GLIS3: variants seen among roughly 807,000 people sequenced by gnomAD.
GLIS3 encodes zinc finger protein GLIS3.
Under a neutral mutation model 78.6 loss-of-function variants are expected in GLIS3, and 53 were observed. The observed-to-expected ratio is 0.67, with a 90% CI of 0.54 to 0.85. GLIS3 has a LOEUF of 0.85. Ranked by LOEUF, GLIS3 falls within the 40% of genes least tolerant of loss-of-function variation. GLIS3 has a pLI of 0.00. For synonymous variants in GLIS3, 684 were observed against 509.9 expected (o/e 1.34, Z -4.60); for missense variants, 1,703 against 1,231.1 (o/e 1.38, Z -5.74).
the GLIS3 span, among the ~76,000 whole-genome samples, chr9:4,365,236 G>A: frequency 1.3e-5 from 2 of 152,162 alleles, no homozygotes; most frequent in Non-Finnish European, 2.9e-5. Flanking sequence ...CATGCATGGC[G>A]TAAGATATGA....
chr9:3,991,932 C>T (rs867661075), intron 4 of GLIS3, among the ~76,000 whole-genome samples: 11 of 151,998 alleles, frequency 7.2e-5, no homozygotes, highest in South Asian at 2.1e-4. Flanking sequence ...CTTCGTGATC[C>T]GCCCGCCTCG....
chr9:3,842,411 G>A (rs796458038), intron 9 of GLIS3, among the ~76,000 whole-genome samples: 3 of 152,322 alleles, frequency 2.0e-5, no homozygotes, highest in African/African-American at 7.2e-5. Context: ...GGTGGAGGTT[G>A]CAGTGAGCCT....
chr9:4,205,185 A>G (rs1483570519), intron 2 of GLIS3, among the ~76,000 whole-genome samples: 2 of 151,576 alleles, frequency 1.3e-5, no homozygotes, highest in African/African-American at 4.8e-5. Context: ...CAAAAAAAAA[A>G]AAAAAAAAGG....
At chr9:4,298,724 G>A (rs1232661111) in intron 1 of GLIS3, among the ~76,000 whole-genome samples, 1 of 152,128 alleles carries the variant, frequency 6.6e-6, no homozygotes, top group African/African-American at 2.4e-5. Flanking sequence ...GGGAGGGTTC[G>A]TGTCTGGCTG....
chr9:4,315,150 TCA>T (rs1340670923), intron 2 of GLIS3, among the ~76,000 whole-genome samples: 1 of 152,234 alleles, frequency 6.6e-6, no homozygotes, highest in Non-Finnish European at 1.5e-5. Context: ...ATTTTGGATC[TCA>T]GTTAATTTGG....
chr9:4,300,956 G>A (rs755017542), upstream of GLIS3, among the ~76,000 whole-genome samples: 28 of 151,998 alleles, frequency 1.8e-4, no homozygotes, highest in Non-Finnish European at 3.1e-4. Context: ...AATTTCACAA[G>A]TCCTTATATT....
At chr9:4,140,145 G>A (rs951606857) in intron 2 of GLIS3, among the ~76,000 whole-genome samples, 2 of 152,126 alleles carry the variant, frequency 1.3e-5, no homozygotes, top group African/African-American at 2.4e-5. Flanking sequence ...ACAACATGGC[G>A]AAACGCTGTC....
the GLIS3 span, among the ~76,000 whole-genome samples, chr9:4,485,122 C>T: frequency 6.6e-6 from 1 of 151,732 alleles, no homozygotes; most frequent in Non-Finnish European, 1.5e-5. Context: ...TCAAGCGATT[C>T]TCCTGCCTCA....
the GLIS3 span, among the ~76,000 whole-genome samples, chr9:4,418,879 G>C: frequency 1.3e-5 from 2 of 152,138 alleles, no homozygotes; most frequent in Non-Finnish European, 2.9e-5. Context: ...GCCAGGACAG[G>C]GGATGGGAAC....
At chr9:4,308,175 C>G (rs993268288) in intron 4 of GLIS3, among the ~76,000 whole-genome samples, 1 of 152,122 alleles carries the variant, frequency 6.6e-6, no homozygotes, top group African/African-American at 2.4e-5. Context: ...ATCTGAAAGC[C>G]TTAACCCTGC....
chr9:4,239,767 A>T (rs1388506075), intron 2 of GLIS3, among the ~76,000 whole-genome samples: 1 of 152,204 alleles, frequency 6.6e-6, no homozygotes, highest in East Asian at 1.9e-4. Flanking sequence ...GCTGATTACA[A>T]AGTATTTTGA....
intron 7 of GLIS3, among the ~76,000 whole-genome samples, chr9:3,889,712 G>C (rs879525319): frequency 4.6e-5 from 7 of 152,156 alleles, no homozygotes; most frequent in Non-Finnish European, 8.8e-5. Context: ...AATATTTTAG[G>C]CTTTGCAGGC....
intron 7 of GLIS3, among the ~76,000 whole-genome samples, chr9:3,892,257 A>AG (rs202205637): frequency 6.6e-6 from 1 of 152,166 alleles, no homozygotes; most frequent in Non-Finnish European, 1.5e-5. Context: ...GCAAAAAAAA[A>AG]GCAGCCTGGA....
chr9:4,290,021 T>A (rs536601295), intron 1 of GLIS3, among the ~76,000 whole-genome samples: 1 of 152,244 alleles, frequency 6.6e-6, no homozygotes, highest in South Asian at 2.1e-4. Context: ...GCACTGCTCA[T>A]CATGGATTAA....
intron 2 of GLIS3, among the ~76,000 whole-genome samples, chr9:4,337,414 T>A (rs6476848): frequency 1.4e-4 from 21 of 152,160 alleles, no homozygotes; most frequent in East Asian, 9.6e-4. Context: ...ATAGGAAATG[T>A]TCATTTGAAA....
At chr9:3,859,519 C>T (rs760317894) in intron 8 of GLIS3, among the ~76,000 whole-genome samples, 2 of 152,000 alleles carry the variant, frequency 1.3e-5, no homozygotes, top group African/African-American at 4.8e-5. Context: ...ATTGTAATGC[C>T]GAGGATAAAT....
At chr9:4,140,579 C>A (rs1031342888) in intron 2 of GLIS3, among the ~76,000 whole-genome samples, 1 of 152,088 alleles carries the variant, frequency 6.6e-6, no homozygotes, top group Non-Finnish European at 1.5e-5. Context: ...ATGGAAAGTA[C>A]CCAGCTTCCT....
intron 7 of GLIS3, among the ~76,000 whole-genome samples, chr9:3,897,033 A>G (rs1414423565): frequency 1.3e-5 from 2 of 152,246 alleles, no homozygotes; most frequent in Non-Finnish European, 2.9e-5. Context: ...AAACACTACC[A>G]GACATATAAA....
At chr9:4,392,490 C>G in the GLIS3 span, among the ~76,000 whole-genome samples, 1 of 152,120 alleles carries the variant, frequency 6.6e-6, no homozygotes, top group Non-Finnish European at 1.5e-5. Flanking sequence ...TCCTCTCCAC[C>G]TCGCTGGTAT....
Sources: allele counts gnomAD v4.1 joint callset (sites outside exome capture counted in the v4.1 genomes callset), GRCh38; gene constraint gnomAD v4.1.1; transcripts MANE v1.5; gene names NCBI Gene and HGNC (gene_info 2026-07-23, HGNC 2026-07-21).